Variants in PHEX observed in about 807,000 individuals in gnomAD.
PHEX encodes phosphate-regulating neutral endopeptidase PHEX.
In PHEX, 16 loss-of-function variants were observed where a neutral mutation model predicts 68.0. The ratio of observed to expected loss-of-function variants is 0.24; its 90% confidence interval spans 0.16 to 0.36. The LOEUF (loss-of-function observed/expected upper bound fraction) is 0.36. PHEX is among the 10% of genes least tolerant of loss of function. PHEX has a pLI of 1.00. For missense variants in PHEX, 480 were observed against 575.5 expected (o/e 0.83, Z 1.70); for synonymous variants, 208 against 205.1 (o/e 1.01, Z -0.12).
Position 22,249,293 on chromosome X carries a change from A to C in PHEX, c.*1340A>C, listed in dbSNP as rs1356581182. The C allele has an allele frequency of 9.8e-6, 1 of 102,160 alleles. No homozygotes were observed. The highest frequency in any genetic ancestry group is 3.0e-4 in the East Asian group (1 of 3,345). 8.4% of individuals were successfully genotyped at this position (102,160 alleles called of 1,213,427 possible). Reference sequence around the variant, plus strand: ...TGTTACCTGGCATTTTTGGTTTCTTAAAATAGGCATCCCCCTACTCCCTTT... The same window carrying C: ...TGTTACCTGGCATTTTTGGTTTCTTCAAATAGGCATCCCCCTACTCCCTTT... On this transcript the variant is annotated 3_prime_UTR_variant, in exon 22 of 22. Coordinates refer to ENST00000379374, the MANE Select transcript of PHEX (RefSeq NM_000444.6).
At chrX:22,046,136 G>T in intron 2 of PHEX, among the ~76,000 whole-genome samples, 1 of 111,859 alleles carries the variant, frequency 8.9e-6, no homozygotes, top group East Asian at 2.8e-4. Context: ...GGCGAATGAT[G>T]GCCTCAGTCA....
intron 3 of PHEX, among the ~76,000 whole-genome samples, chrX:22,069,502 G>T (rs1928794204): frequency 9.0e-6 from 1 of 111,731 alleles, no homozygotes; most frequent in Non-Finnish European, 1.9e-5. Context: ...GGACAAGGAG[G>T]TCTTTTGTGT....
chrX:22,120,968 GTTC>G, intron 11 of PHEX, among the ~76,000 whole-genome samples: 1 of 111,935 alleles, frequency 8.9e-6, no homozygotes, highest in African/African-American at 3.2e-5. Context: ...GCTGGGCTAA[GTTC>G]TTCTGTATAA....
intron 9 of PHEX, among the ~76,000 whole-genome samples, chrX:22,104,793 G>C (rs917733972): frequency 9.0e-6 from 1 of 111,450 alleles, no homozygotes; most frequent in African/African-American, 3.3e-5. Context: ...GTTGGCATCA[G>C]GAGGAGCTGA....
chrX:22,169,039 C>T (rs746299199), intron 13 of PHEX, among the ~76,000 whole-genome samples: 5 of 111,205 alleles, frequency 4.5e-5, no homozygotes, highest in Non-Finnish European at 9.4e-5. Context: ...ATTTTTCTTC[C>T]TCATTTAAAA....
chrX:22,247,957 G>A lies in PHEX; in HGVS notation c.*4G>A. 8.5e-7 allele frequency: 1 copy of A among 1,173,864 alleles called. No homozygotes were observed. Among genetic ancestry groups the A allele is most frequent in the East Asian group, 3.0e-5 (1 of 33,738 alleles). ...GGACTCCTGCCGACTCTGGTAGCTG[G>A]GACGCTGGTTTATGGCATCCTGAGA... On this transcript the variant is annotated 3_prime_UTR_variant, in exon 22 of 22. Transcript: ENST00000379374.
chrX:22,246,149 T>C (rs1194511662), intron 21 of PHEX, among the ~76,000 whole-genome samples: 1 of 112,100 alleles, frequency 8.9e-6, no homozygotes, highest in East Asian at 2.8e-4. Context: ...TTTGTCAGAA[T>C]GTATAAAACA....
intron 11 of PHEX, among the ~76,000 whole-genome samples, chrX:22,119,454 G>A (rs1330035412): frequency 9.0e-6 from 1 of 111,545 alleles, no homozygotes; most frequent in African/African-American, 3.3e-5. Flanking sequence ...GTTCCACTGT[G>A]CCAAGCCCTG....
At chrX:22,047,797 C>T (rs911752222) in intron 3 of PHEX, among the ~76,000 whole-genome samples, 2 of 111,644 alleles carry the variant, frequency 1.8e-5, no homozygotes, top group Non-Finnish European at 3.8e-5. Context: ...ATTCCCCTGC[C>T]CCCCGCCAAA....
intron 5 of PHEX, among the ~76,000 whole-genome samples, chrX:22,080,353 T>C (rs1929336175): frequency 9.0e-6 from 1 of 111,697 alleles, no homozygotes; most frequent in Non-Finnish European, 1.9e-5. Flanking sequence ...GCGGCAAACG[T>C]TTGCTTAAGT....
At position 22,249,074 on chromosome X, in the gene PHEX, A is replaced by C. The variant is rs757161203; in HGVS notation, c.*1121A>C. On this transcript the variant is annotated 3_prime_UTR_variant, in exon 22 of 22. Transcript: ENST00000379374. The stretch of plus-strand genomic sequence containing the variant: ...TTCTAGAATTTATTGATTCAATTTA[A>C]AATTCCCTGCATAGTCCAAATAAAC... The C allele has an allele frequency of 9.1e-6, 1 of 110,450 alleles. No individual in the cohort carries two copies. Among genetic ancestry groups the C allele is most frequent in the Non-Finnish European group, 1.9e-5 (1 of 52,891 alleles). 9.1% of individuals were successfully genotyped at this position (110,450 alleles called of 1,213,427 possible). A position where few individuals can be genotyped will look rare whatever the true frequency, so the allele number is the denominator to read the frequency against.
intron 21 of PHEX, among the ~76,000 whole-genome samples, chrX:22,246,170 ATAAAAT>A (rs1255678479): frequency 8.9e-5 from 10 of 112,227 alleles, no homozygotes; most frequent in Non-Finnish European, 1.7e-4. Flanking sequence ...TTAAGTACAA[ATAAAAT>A]TAAAAGTTAA....
At chrX:22,138,203 T>C (rs1034945901) in intron 12 of PHEX, among the ~76,000 whole-genome samples, 1 of 112,956 alleles carries the variant, frequency 8.9e-6, no homozygotes, top group African/African-American at 3.2e-5. Flanking sequence ...CCTGGGGGTA[T>C]ACGCTTTCCC....
intron 15 of PHEX, among the ~76,000 whole-genome samples, chrX:22,191,419 A>G (rs904701054): frequency 8.9e-6 from 1 of 112,684 alleles, no homozygotes; most frequent in African/African-American, 3.2e-5. Flanking sequence ...GCTGGTGGAA[A>G]GATAGATGGG....
At position 22,178,321 on chromosome X, in the gene PHEX, A is replaced by C. The variant is rs753522380; in HGVS notation, c.1531A>C (p.Lys511Gln). The C allele has an allele frequency of 2.5e-6, 3 of 1,204,008 alleles. No individual in the cohort carries two copies. The East Asian group carries it at 8.9e-5, about 36-fold the overall frequency. The change falls in exon 14 of 22, where the codon AAG becomes CAG. Residue 511 changes from lysine (K) to glutamine (Q), a missense_variant. Physicochemically the swap from Lys to Gln is moderately conservative, Grantham distance 53 (BLOSUM62 1). Transcript: ENST00000379374. Reference protein sequence around the residue: ...DYFGNVLQTRKYLAQSDFFWL... With the variant: ...DYFGNVLQTRQYLAQSDFFWL... The stretch of plus-strand genomic sequence containing the variant: ...CTTTGGCAACGTCCTACAAACTCGC[A>C]AGTATTTAGCACAGTCTGATTTCTT...
chrX:22,249,453 AAAATATATATATATATATAT>A lies in PHEX; in HGVS notation c.*1502_*1521del, dbSNP rs1936498352. The A allele has an allele frequency of 7.1e-5, 2 of 28,071 alleles. No individual in the cohort carries two copies. The highest frequency in any genetic ancestry group is 1.2e-4 in the Non-Finnish European group (2 of 16,233). 2.3% of individuals were successfully genotyped at this position (28,071 alleles called of 1,213,427 possible). A position where few individuals can be genotyped will look rare whatever the true frequency, so the allele number is the denominator to read the frequency against. On this transcript the variant is annotated 3_prime_UTR_variant, in exon 22 of 22. Coordinates refer to ENST00000379374, the MANE Select transcript of PHEX (RefSeq NM_000444.6). Reference sequence around the variant, plus strand: ...ATTTGTGATTCTTTTAAAAAAAAAAAAAATATATATATATATATATATATATATATATATGTATATCTACC... The same window carrying A: ...ATTTGTGATTCTTTTAAAAAAAAAAAATATATATATATATGTATATCTACC...
At chrX:22,194,596 A>G (rs182761266) in intron 15 of PHEX, among the ~76,000 whole-genome samples, 5 of 112,768 alleles carry the variant, frequency 4.4e-5, no homozygotes, top group African/African-American at 1.6e-4. Context: ...TGACAATTTC[A>G]TTCAGTTCCC....
Position 22,248,730 on chromosome X carries a change from A to C in PHEX, c.*777A>C, listed in dbSNP as rs188175876. The C allele has an allele frequency of 8.9e-6, 1 of 112,250 alleles. No individual in the cohort carries two copies. Among genetic ancestry groups the C allele is most frequent in the African/African-American group, 3.2e-5 (1 of 30,947 alleles). The allele number at this position is 112,250 out of a possible 1,213,427, so 9.3% of individuals were successfully genotyped here. A position where few individuals can be genotyped will look rare whatever the true frequency, so the allele number is the denominator to read the frequency against. On this transcript the variant is annotated 3_prime_UTR_variant, in exon 22 of 22. Coordinates refer to ENST00000379374, the MANE Select transcript of PHEX (RefSeq NM_000444.6). ...CCTCCTAGTTACATAACAGCAGGGAAACTAGGAGATGAAATCTCCAAAATT... is the reference window on the plus strand; with the variant it reads ...CCTCCTAGTTACATAACAGCAGGGACACTAGGAGATGAAATCTCCAAAATT...
At chrX:22,068,239 T>C (rs1040800684) in intron 3 of PHEX, among the ~76,000 whole-genome samples, 6 of 111,805 alleles carry the variant, frequency 5.4e-5, no homozygotes, top group African/African-American at 2.0e-4. Flanking sequence ...CAGCCAACTT[T>C]GTTCTGTTCT....
Sources: gnomAD v4.1 joint callset for allele counts (sites outside exome capture counted in the v4.1 genomes callset) on GRCh38, gnomAD v4.1.1 for gene constraint, MANE v1.5 for transcripts, NCBI Gene and HGNC (gene_info 2026-07-23, HGNC 2026-07-21) for gene names.